Variants in PKD1L3 observed in about 807,000 individuals in gnomAD.
PKD1L3 encodes polycystin-1-like protein 3.
In PKD1L3, 239 loss-of-function variants were observed where a neutral mutation model predicts 184.1. The ratio of observed to expected loss-of-function variants is 1.30; its 90% CI spans 1.17 to 1.45. The LOEUF (loss-of-function observed/expected upper bound fraction) is 1.45. Among genes scored for constraint, PKD1L3 ranks in the 40% most tolerant of loss-of-function variants. PKD1L3 has a pLI of 0.00. For synonymous variants in PKD1L3, 996 were observed against 778.8 expected (o/e 1.28, Z -4.64); for missense variants, 2,660 against 2,067.2 (o/e 1.29, Z -5.56).
chr16:71,990,375 C>G (rs1214960612), intron 3 of PKD1L3, 46 bp from the exon 4 acceptor site: 7 of 1,447,258 alleles, frequency 4.8e-6, no homozygotes, highest in Non-Finnish European at 5.6e-6. Context: ...AAGCCTAAGA[C>G]AGAAATATTC....
At chr16:71,956,482 C>G (rs886940260) in intron 16 of PKD1L3, among the ~76,000 whole-genome samples, 1 of 151,926 alleles carries the variant, frequency 6.6e-6, no homozygotes. Context: ...TGTGAGCCAC[C>G]GCACCCGGCC....
In PKD1L3 at chr16:71,954,271, C is replaced by A; in HGVS notation, c.2643G>T (p.Lys881Asn). The A allele has an allele frequency of 6.5e-7, 1 of 1,545,766 alleles. No individual in the cohort carries two copies. The part of the protein sequence containing the change: ...RHLFSSMIVE[K>N]FTQDYLWLSI... Reference sequence around the variant, plus strand: ...AAAGCCACAGATAATCCTGGGTGAACTTTTCCACAATCATGGAGGAAAACA... The same window carrying A: ...AAAGCCACAGATAATCCTGGGTGAAATTTTCCACAATCATGGAGGAAAACA... The change falls in exon 17 of 30, where the codon AAG (lysine) becomes AAT (asparagine). Residue 881 changes from lysine to asparagine, a missense_variant. Physicochemically the swap from Lys to Asn is moderately conservative, Grantham distance 94. Transcript: ENST00000620267.
intron 24 of PKD1L3, among the ~76,000 whole-genome samples, chr16:71,940,332 G>T (rs1476602651): frequency 6.6e-6 from 1 of 152,042 alleles, no homozygotes; most frequent in Non-Finnish European, 1.5e-5. Flanking sequence ...CGTGCTGCAT[G>T]GTGAGACACT....
chr16:71,930,076 A>G lies in PKD1L3; in HGVS notation c.5034T>C (p.Phe1678=). 1 of 1,549,946 alleles carries G rather than the reference A, an allele frequency of 6.5e-7. No homozygotes were observed. The highest frequency in any genetic ancestry group is 1.2e-5 in the South Asian group (1 of 83,900). The part of the protein sequence containing the change: ...NLFVSAILMA[F]GKERKSLKKE... ...CCTTAAGCGACTTTCTTTCTTTTCC[A>G]AAGGCCATGAGAATGGCCGAAACGA... Residue 1678 remains phenylalanine, a synonymous_variant, in exon 29 of 30, where the codon TTT becomes TTC. Coordinates refer to ENST00000620267, the MANE Select transcript of PKD1L3 (RefSeq NM_181536.2).
At chr16:71,996,175 T>A (rs7198936) in intron 2 of PKD1L3, among the ~76,000 whole-genome samples, 1 of 150,952 alleles carries the variant, frequency 6.6e-6, no homozygotes, top group African/African-American at 2.4e-5. Context: ...AACAACAGGA[T>A]ATGGACGCTG....
intron 21 of PKD1L3, 115 bp from the exon 22 acceptor site, chr16:71,947,706 A>G (rs2038672050): frequency 3.0e-6 from 2 of 673,852 alleles, no homozygotes; most frequent in Admixed American, 3.1e-5. Context: ...TTGGCTCTTC[A>G]TTTTAATGAA....
intron 2 of PKD1L3, 149 bp downstream of exon 2, chr16:71,998,122 TG>T: frequency 9.2e-7 from 1 of 1,090,156 alleles, no homozygotes; most frequent in South Asian, 1.6e-5. Context: ...AATTTTCTCA[TG>T]CTAATCAGCA....
intron 6 of PKD1L3, among the ~76,000 whole-genome samples, chr16:71,982,770 T>G (rs911075292): frequency 6.6e-6 from 1 of 151,744 alleles, no homozygotes; most frequent in African/African-American, 2.4e-5. Flanking sequence ...TTTTAAAAAT[T>G]TTTTGTAGAG....
rs374517326 is a variant in PKD1L3, at chr16:71,998,303, G to A, written c.387C>T (p.Cys129=). 3 of 1,552,182 alleles carry A rather than the reference G, an allele frequency of 1.9e-6. No individual in the cohort carries two copies. The highest frequency in any genetic ancestry group is 2.0e-5 in the Admixed American group (1 of 50,996). The change falls in exon 2 of 30, where the codon TGC becomes TGT. Residue 129 remains cysteine, a synonymous_variant. Coordinates refer to ENST00000620267, the MANE Select transcript of PKD1L3 (RefSeq NM_181536.2). ...GGCAAATGAAATAGTATTTCAGTAAGCACTTGTCCCCTTTGGATGAGATCC... is the reference window on the plus strand; with the variant it reads ...GGCAAATGAAATAGTATTTCAGTAAACACTTGTCCCCTTTGGATGAGATCC... ...FIRISSKGDK[C]LLKYYFICQT...
chr16:71,936,663 T>A (rs2038191900), intron 25 of PKD1L3, among the ~76,000 whole-genome samples: 1 of 151,812 alleles, frequency 6.6e-6, no homozygotes, highest in South Asian at 2.1e-4. Context: ...AAATTTGTAT[T>A]TTTAGTAGAG....
intron 16 of PKD1L3, 51 bp downstream of exon 16, chr16:71,963,154 A>G: frequency 6.8e-7 from 1 of 1,462,920 alleles, no homozygotes; most frequent in Admixed American, 2.5e-5. Context: ...GAACAATTCA[A>G]TTAATAGTGA....
chr16:71,986,382 T>C lies in PKD1L3; in HGVS notation c.673A>G (p.Ser225Gly). Residue 225 changes from serine (S) to glycine (G), a missense_variant, in exon 5 of 30, where the codon AGC becomes GGC. By Grantham distance (56) the Ser-to-Gly change is moderately conservative. Transcript: ENST00000620267. ...GTTATCACAGGGAGAGGCTGGCTGC[T>C]GGGTTCAGATGCGGCTGATGTTACC... ...SQVTSAASEP[S>G]SQPLPVITQL... 6.4e-7 allele frequency: 1 copy of C among 1,551,822 alleles called. No individual in the cohort carries two copies. The highest frequency in any genetic ancestry group is 8.7e-7 in the Non-Finnish European group (1 of 1,146,980).
At chr16:71,933,737 C>A (rs1340096669) in intron 27 of PKD1L3, among the ~76,000 whole-genome samples, 178 bp downstream of exon 27, 2 of 152,158 alleles carry the variant, frequency 1.3e-5, no homozygotes, top group African/African-American at 4.8e-5. Flanking sequence ...GTTTTATCCC[C>A]ATTTTAGAGA....
intron 10 of PKD1L3, 120 bp downstream of exon 10, chr16:71,978,135 T>A: frequency 8.2e-7 from 1 of 1,212,148 alleles, no homozygotes; most frequent in Non-Finnish European, 1.1e-6. Context: ...AAGATGTTAA[T>A]AACAAAACAA....
chr16:71,966,062 G>A (rs1471431615), intron 15 of PKD1L3, among the ~76,000 whole-genome samples: 1 of 151,994 alleles, frequency 6.6e-6, no homozygotes, highest in African/African-American at 2.4e-5. Context: ...GGCTCTACCA[G>A]CCCAGTGGCT....
chr16:71,991,742 G>T (rs1185132392), intron 3 of PKD1L3, among the ~76,000 whole-genome samples: 1 of 152,212 alleles, frequency 6.6e-6, no homozygotes, highest in Non-Finnish European at 1.5e-5. Flanking sequence ...CAAAAAAGAT[G>T]TGTATATGTA....
chr16:71,967,110 A>G, intron 15 of PKD1L3, 27 bp downstream of exon 15: 4 of 1,538,596 alleles, frequency 2.6e-6, no homozygotes, highest in Non-Finnish European at 3.5e-6. Flanking sequence ...AAGCAGCAGC[A>G]ACAGCCAACA....
chr16:71,943,160 A>G, intron 23 of PKD1L3, 136 bp from the exon 24 acceptor site: 2 of 637,464 alleles, frequency 3.1e-6, no homozygotes, highest in Non-Finnish European at 5.4e-6. Flanking sequence ...ATATGGTTCA[A>G]TCTAATAATT....
At chr16:71,984,014 C>A (rs757771129) in intron 6 of PKD1L3, 22 bp downstream of exon 6, 22 of 1,550,884 alleles carry the variant, frequency 1.4e-5, no homozygotes, top group Non-Finnish European at 1.8e-5. Context: ...ACCTTCTTCC[C>A]TCCCAGTCAC....
Sources: gnomAD v4.1 joint callset for allele counts (sites outside exome capture counted in the v4.1 genomes callset) on GRCh38, gnomAD v4.1.1 for gene constraint, MANE v1.5 for transcripts, NCBI Gene and HGNC (gene_info 2026-07-23, HGNC 2026-07-21) for gene names.